UAP1: variants seen among roughly 807,000 people sequenced by gnomAD.
The protein encoded by UAP1 is UDP-N-acetylglucosamine pyrophosphorylase 1.
UAP1 carries 25 observed loss-of-function variants against 58.5 expected under a neutral mutation model. The observed-to-expected ratio is 0.43, with a 90% CI of 0.31 to 0.60. The LOEUF (loss-of-function observed/expected upper bound fraction) is 0.60, where lower values mean the gene tolerates loss of function less well. UAP1 is among the 20% of genes least tolerant of loss of function. The pLI is 0.11. For synonymous variants in UAP1, 208 were observed against 213.0 expected, an observed-to-expected ratio of 0.98 and a Z score of 0.21; for missense variants, 575 against 630.0, an observed-to-expected ratio of 0.91 and a Z score of 0.93.
chr1:162,592,192 A>G (rs1326391538), intron 8 of UAP1, among the ~76,000 whole-genome samples: 1 of 152,100 alleles, frequency 6.6e-6, no homozygotes, highest in East Asian at 1.9e-4. Flanking sequence ...GAGGTTCAAG[A>G]CCAGCCTGGC....
chr1:162,571,019 C>T (rs1257576264), intron 2 of UAP1, among the ~76,000 whole-genome samples: 2 of 151,466 alleles, frequency 1.3e-5, no homozygotes, highest in African/African-American at 4.9e-5. Context: ...TGCTTAGATT[C>T]TCTTGGGCCC....
At chr1:162,596,574 A>G (rs980394614) in intron 9 of UAP1, among the ~76,000 whole-genome samples, 1 of 152,184 alleles carries the variant, frequency 6.6e-6, no homozygotes, top group African/African-American at 2.4e-5. Flanking sequence ...GAGGATGAGT[A>G]TGGTTTTTAT....
At chr1:162,587,368 T>C in intron 5 of UAP1, 107 bp from the exon 6 acceptor site, 1 of 1,010,930 alleles carries the variant, frequency 9.9e-7, no homozygotes, top group Middle Eastern at 3.4e-4. Context: ...CTTGGCTTTA[T>C]ACCTTTTAGT....
At chr1:162,587,446 C>T in intron 5 of UAP1, 29 bp from the exon 6 acceptor site, 2 of 1,552,022 alleles carry the variant, frequency 1.3e-6, no homozygotes, top group East Asian at 4.5e-5. Context: ...ATTCAATTTC[C>T]TCCTCTACTG....
intron 2 of UAP1, among the ~76,000 whole-genome samples, chr1:162,567,419 C>A (rs1170063299): frequency 6.6e-6 from 1 of 152,174 alleles, no homozygotes; most frequent in Admixed American, 6.5e-5. Flanking sequence ...CAATGCTTTT[C>A]ATTCTAAAGC....
intron 7 of UAP1, 53 bp downstream of exon 7, chr1:162,588,886 T>A (rs1655080012): frequency 6.5e-7 from 1 of 1,542,258 alleles, no homozygotes; most frequent in African/African-American, 1.4e-5. Flanking sequence ...AAATGCTGCT[T>A]TTCACTCTCT....
intron 5 of UAP1, among the ~76,000 whole-genome samples, chr1:162,584,675 G>A (rs1417905358): frequency 6.6e-6 from 1 of 152,078 alleles, no homozygotes; most frequent in Non-Finnish European, 1.5e-5. Context: ...TAGAGGTGGG[G>A]TTTTGCTACA....
intron 5 of UAP1, among the ~76,000 whole-genome samples, chr1:162,585,429 T>C (rs1480563292): frequency 6.6e-6 from 1 of 151,506 alleles, no homozygotes; most frequent in Non-Finnish European, 1.5e-5. Context: ...GCTAATTTTT[T>C]TTTTTAATTT....
intron 9 of UAP1, among the ~76,000 whole-genome samples, chr1:162,595,786 A>G (rs1427864015): frequency 6.6e-6 from 1 of 152,194 alleles, no homozygotes; most frequent in Non-Finnish European, 1.5e-5. Flanking sequence ...AATGTGTGCT[A>G]TAGCAATAAT....
intron 3 of UAP1, among the ~76,000 whole-genome samples, chr1:162,577,435 C>CTTTTTTTTTTTTT (rs67627704): frequency 3.1e-5 from 3 of 95,242 alleles, no homozygotes; most frequent in African/African-American, 1.4e-4. Flanking sequence ...AGTTCCTTCC[C>CTTTTTTTTTTTTT]TTTTTTTTTT....
chr1:162,589,220 AT>A (rs1655142922), intron 7 of UAP1, among the ~76,000 whole-genome samples: 1 of 115,452 alleles, frequency 8.7e-6, no homozygotes, highest in Non-Finnish European at 1.7e-5. Context: ...TATATATAAT[AT>A]TTATATATTA....
At chr1:162,574,922 A>T (rs1654081544) in intron 2 of UAP1, among the ~76,000 whole-genome samples, 3 of 152,200 alleles carry the variant, frequency 2.0e-5, no homozygotes, top group Admixed American at 2.0e-4. Flanking sequence ...TTCAAACATT[A>T]TGCTTGATGA....
rs547175282 is a variant in UAP1 at position 162,586,977 on chromosome 1, G to A, written c.835-498G>A. Reference sequence around the variant, plus strand: ...CCTACTCAGGTCCCTGAAACACAAGGAAAATGCCAAAATTAAAGAAATGCT... The same window carrying A: ...CCTACTCAGGTCCCTGAAACACAAGAAAAATGCCAAAATTAAAGAAATGCT... On this transcript the variant is annotated intron_variant, in intron 5 of 10. Coordinates refer to ENST00000271469, the Ensembl canonical transcript of UAP1. Among the ~76,000 whole-genome samples the A allele has an allele frequency of 2.0e-5, 3 of 152,168 alleles. No homozygotes were observed. The South Asian group carries it at 6.2e-4, about 32-fold the overall frequency.
At chr1:162,598,000 AT>A (rs373129729) in intron 10 of UAP1, 142 bp downstream of exon 10, 5 of 682,996 alleles carry the variant, frequency 7.3e-6, no homozygotes, top group African/African-American at 7.2e-5. Flanking sequence ...GCTTTATTTG[AT>A]TATTCGACAG....
intron 3 of UAP1, among the ~76,000 whole-genome samples, chr1:162,578,631 A>G (rs1654360463): frequency 6.6e-6 from 1 of 152,332 alleles, no homozygotes; most frequent in South Asian, 2.1e-4. Context: ...GTTCTTATGC[A>G]GAGAAGTTTA....
At chr1:162,570,041 C>T (rs550047759) in intron 2 of UAP1, among the ~76,000 whole-genome samples, 17 of 151,128 alleles carry the variant, frequency 1.1e-4, no homozygotes, top group Non-Finnish European at 2.4e-4. Flanking sequence ...CCCAGCTACT[C>T]GGGAGGCTGA....
At chr1:162,586,413 A>G (rs1654904907) in intron 5 of UAP1, among the ~76,000 whole-genome samples, 2 of 151,984 alleles carry the variant, frequency 1.3e-5, no homozygotes, top group Non-Finnish European at 2.9e-5. Context: ...TGTAGCCTCA[A>G]CCTCCCCAGA....
chr1:162,591,221 G>A (rs905850548), intron 8 of UAP1, among the ~76,000 whole-genome samples: 4 of 151,672 alleles, frequency 2.6e-5, no homozygotes, highest in Non-Finnish European at 4.4e-5. Flanking sequence ...CACTGGGCCC[G>A]GCTGACCTCA....
At chr1:162,568,772 C>T (rs1031785093) in intron 2 of UAP1, among the ~76,000 whole-genome samples, 2 of 152,138 alleles carry the variant, frequency 1.3e-5, no homozygotes, top group African/African-American at 4.8e-5. Flanking sequence ...ATCCCAGTTG[C>T]CTATATTTTT....
Sources: allele counts gnomAD v4.1 joint callset (sites outside exome capture counted in the v4.1 genomes callset), GRCh38; gene constraint gnomAD v4.1.1; transcripts MANE v1.5; gene names NCBI Gene and HGNC (gene_info 2026-07-23, HGNC 2026-07-21).